The following GRIK1 variants were observed in gnomAD, a reference collection of about 807,000 sequenced individuals.
GRIK1 encodes glutamate receptor ionotropic, kainate 1.
A neutral mutation model predicts 105.7 loss-of-function variants in GRIK1; 69 were observed. The observed-to-expected ratio is 0.65, with a 90% CI of 0.54 to 0.80. The LOEUF (loss-of-function observed/expected upper bound fraction) is 0.80, where lower values mean the gene tolerates loss of function less well. Ranked by LOEUF, GRIK1 falls within the 30% of genes least tolerant of loss-of-function variation. The probability of loss-of-function intolerance (pLI) is 0.00; values close to 1 mark genes in which losing one functional copy is unlikely to be tolerated. For missense variants in GRIK1, 1,109 were observed against 1,167.3 expected (o/e 0.95, Z 0.73); for synonymous variants, 438 against 431.3 (o/e 1.02, Z -0.19).
At chr21:29,843,823 G>T (rs2068043018) in intron 1 of GRIK1, among the ~76,000 whole-genome samples, 1 of 152,190 alleles carries the variant, frequency 6.6e-6, no homozygotes, top group South Asian at 2.1e-4. Context: ...CAGTAACCAG[G>T]TTCTGCTTTG....
At chr21:29,602,800 C>T (rs570807472) in intron 7 of GRIK1, among the ~76,000 whole-genome samples, 85 of 152,296 alleles carry the variant, frequency 5.6e-4, no homozygotes, top group African/African-American at 2.0e-3. Context: ...TTAGACATTG[C>T]TCAGTAGACT....
intron 14 of GRIK1, among the ~76,000 whole-genome samples, chr21:29,562,461 G>A (rs2090504618): frequency 6.6e-6 from 1 of 152,156 alleles, no homozygotes; most frequent in Non-Finnish European, 1.5e-5. Context: ...TTCGAGACCA[G>A]CTTGACCAAC....
chr21:29,754,749 T>C (rs977766633), intron 1 of GRIK1, among the ~76,000 whole-genome samples: 2 of 152,174 alleles, frequency 1.3e-5, no homozygotes, highest in Non-Finnish European at 2.9e-5. Flanking sequence ...ATAATCTGGG[T>C]GGGCCTGATT....
At chr21:29,847,915 CCT>C (rs149581180) in intron 1 of GRIK1, among the ~76,000 whole-genome samples, 8 of 146,194 alleles carry the variant, frequency 5.5e-5, no homozygotes, top group Admixed American at 1.4e-4. Flanking sequence ...TCTCTCTCTC[CCT>C]CTCTCTCTCT....
intron 16 of GRIK1, among the ~76,000 whole-genome samples, chr21:29,548,635 T>C (rs1601080680): frequency 6.6e-6 from 1 of 152,216 alleles, no homozygotes; most frequent in African/African-American, 2.4e-5. Flanking sequence ...TACTAGGAAA[T>C]AGACCTTGTG....
intron 10 of GRIK1, among the ~76,000 whole-genome samples, chr21:29,589,307 C>T (rs2061295849): frequency 6.6e-6 from 1 of 152,076 alleles, no homozygotes; most frequent in South Asian, 2.1e-4. Flanking sequence ...GATGGATACA[C>T]AGTCACTGTT....
At chr21:29,663,635 A>G (rs1330839461) in intron 4 of GRIK1, among the ~76,000 whole-genome samples, 1 of 152,108 alleles carries the variant, frequency 6.6e-6, no homozygotes, top group Non-Finnish European at 1.5e-5. Context: ...AAAATTTGTA[A>G]CAGATTTTTT....
intron 7 of GRIK1, among the ~76,000 whole-genome samples, chr21:29,623,302 A>T (rs549337985): frequency 6.6e-6 from 1 of 152,286 alleles, no homozygotes; most frequent in Admixed American, 6.5e-5. Context: ...ACCCACCCTC[A>T]TGATTCAATT....
intron 3 of GRIK1, among the ~76,000 whole-genome samples, chr21:29,676,327 T>C (rs1418501249): frequency 6.6e-6 from 1 of 152,196 alleles, no homozygotes; most frequent in Non-Finnish European, 1.5e-5. Flanking sequence ...GTGAGTTTTT[T>C]ATTTCTCTTC....
intron 7 of GRIK1, among the ~76,000 whole-genome samples, chr21:29,604,143 T>C (rs2061570139): frequency 6.6e-6 from 1 of 152,230 alleles, no homozygotes; most frequent in East Asian, 1.9e-4. Flanking sequence ...GTTTGGATTC[T>C]CTTGCATTGA....
At chr21:29,809,681 G>A (rs917193462) in intron 1 of GRIK1, among the ~76,000 whole-genome samples, 1 of 152,132 alleles carries the variant, frequency 6.6e-6, no homozygotes, top group Admixed American at 6.6e-5. Context: ...TTCACAACTT[G>A]ACTAATTGGT....
Position 29,694,078 on chromosome 21 carries a change from GA to G in GRIK1, c.119-16del. The G allele has an allele frequency of 6.8e-7, 1 of 1,476,750 alleles. No homozygotes were observed. The highest frequency in any genetic ancestry group is 9.4e-7 in the Non-Finnish European group (1 of 1,061,408). The allele number at this position is 1,476,750 out of a possible 1,614,324, so 91.5% of individuals were successfully genotyped here. ...AAAAATCCCTCCTGCAGAAGCAAAAGAGATGCATGAGAAGCGTTAGTCACAT... is the reference window on the plus strand; with the variant it reads ...AAAAATCCCTCCTGCAGAAGCAAAAGGATGCATGAGAAGCGTTAGTCACAT... On this transcript the variant is annotated splice_polypyrimidine_tract_variant and intron_variant, in intron 1 of 17. Coordinates refer to ENST00000327783, the MANE Select transcript of GRIK1 (RefSeq NM_001330994.2).
chr21:29,562,105 T>C (rs1224589662), intron 14 of GRIK1, among the ~76,000 whole-genome samples: 2 of 152,166 alleles, frequency 1.3e-5, no homozygotes, highest in African/African-American at 4.8e-5. Context: ...CCCACTGGGC[T>C]AAGGGGTGAC....
chr21:29,724,664 A>ATACT (rs1435694363), intron 1 of GRIK1, among the ~76,000 whole-genome samples: 1 of 152,204 alleles, frequency 6.6e-6, no homozygotes. Flanking sequence ...TGATTTAAAG[A>ATACT]TACTTAGCTC....
chr21:29,906,606 C>T (rs756622669), intron 1 of GRIK1, among the ~76,000 whole-genome samples: 2 of 151,744 alleles, frequency 1.3e-5, no homozygotes, highest in Non-Finnish European at 2.9e-5. Flanking sequence ...GGTTTATAGG[C>T]TGAAGAGGTT....
intron 1 of GRIK1, among the ~76,000 whole-genome samples, chr21:29,807,482 G>T (rs1425645893): frequency 6.6e-6 from 1 of 152,058 alleles, no homozygotes; most frequent in East Asian, 1.9e-4. Flanking sequence ...GGGTCAGGTT[G>T]CTTGTATCTC....
Position 29,630,049 on chromosome 21 carries a change from C to T in GRIK1, c.1098+12777G>A, listed in dbSNP as rs112513160. On this transcript the variant is annotated intron_variant, in intron 7 of 17. Transcript: ENST00000327783. ...GAGAAGGCACACTATAGTACTGACA[C>T]AGCATTAGACTTTTCTTATGTGGGT... Among the ~76,000 whole-genome samples, 794 of 152,140 alleles carry T rather than the reference C, an allele frequency of 5.2e-3. 8 individuals are homozygous for T. Among genetic ancestry groups the T allele is most frequent in the African/African-American group, 0.018 (749 of 41,498 alleles).
chr21:29,788,948 C>T (rs1180497815), intron 1 of GRIK1, among the ~76,000 whole-genome samples: 3 of 152,216 alleles, frequency 2.0e-5, no homozygotes, highest in Admixed American at 6.5e-5. Flanking sequence ...CACTCACTCA[C>T]GGCTCCCCTG....
rs572015827 is a variant in GRIK1, at chr21:29,937,331, TA to T, written c.118+2051del. ...ACAGGACACTCCAGGCCAGAAGGAG[TA>T]ACACATTTGTACTGCACATAAACAA... On this transcript the variant is annotated intron_variant, in intron 1 of 17. Transcript: ENST00000327783. Among the ~76,000 whole-genome samples the T allele has an allele frequency of 4.5e-3, 686 of 152,166 alleles. 6 individuals carry two copies. The highest frequency in any genetic ancestry group is 0.02 in the Middle Eastern group (6 of 294).
Sources: gnomAD v4.1 joint callset for allele counts (sites outside exome capture counted in the v4.1 genomes callset) on GRCh38, gnomAD v4.1.1 for gene constraint, MANE v1.5 for transcripts, NCBI Gene and HGNC (gene_info 2026-07-23, HGNC 2026-07-21) for gene names.